Variants in DMTF1 observed in about 807,000 individuals in gnomAD.
The protein encoded by DMTF1 is cyclin D binding myb like transcription factor 1, also known as cyclin-D-binding Myb-like transcription factor 1.
Under a neutral mutation model 91.1 loss-of-function variants are expected in DMTF1, and 39 were observed. The ratio of observed to expected loss-of-function variants is 0.43; its 90% CI spans 0.33 to 0.56. The LOEUF (loss-of-function observed/expected upper bound fraction) is 0.56. Ranked by LOEUF, DMTF1 falls within the 20% of genes least tolerant of loss-of-function variation. The pLI is 0.05. For synonymous variants in DMTF1, 338 were observed against 309.5 expected, an observed-to-expected ratio of 1.09 and a Z score of -0.97; for missense variants, 750 against 914.5, an observed-to-expected ratio of 0.82 and a Z score of 2.32.
rs1470276766 is a variant in DMTF1, at chr7:87,190,798, T to G, written c.1412-147T>G. Reference sequence around the variant, plus strand: ...AATTCATTAGATTCCTTATCTCTCTTAAGAAATGTAAATGACTTCAGGTCT... The same window carrying G: ...AATTCATTAGATTCCTTATCTCTCTGAAGAAATGTAAATGACTTCAGGTCT... On this transcript the variant is annotated intron_variant, in intron 13 of 17. Transcript: ENST00000331242. The G allele has an allele frequency of 1.0e-5, 6 of 597,782 alleles. No homozygotes were observed. The East Asian group carries it at 1.9e-4, about 19-fold the overall frequency. 37.0% of individuals were successfully genotyped at this position (597,782 alleles called of 1,614,324 possible).
In DMTF1 at chr7:87,185,946, G is replaced by A. The variant is rs373869484; in HGVS notation, c.1167G>A (p.Arg389=). Residue 389 remains arginine (R), a synonymous_variant, in exon 12 of 18, where the codon AGG becomes AGA. Coordinates refer to ENST00000331242, the MANE Select transcript of DMTF1 (RefSeq NM_001142327.2). The stretch of plus-strand genomic sequence containing the variant: ...GAAGTAAATGGTGGACCATCAAAAG[G>A]CAAATTGCAAACCATAAGGATGTTT... ...WLRSKWWTIK[R]QIANHKDVSF... 3 of 1,613,706 alleles carry A rather than the reference G, an allele frequency of 1.9e-6. No homozygotes were observed. In the African/African-American group the frequency reaches 4.0e-5, roughly 22 times the overall value.
chr7:87,179,313 T>A (rs1409441035), intron 7 of DMTF1, among the ~76,000 whole-genome samples: 2 of 152,150 alleles, frequency 1.3e-5, no homozygotes, highest in Non-Finnish European at 2.9e-5. Context: ...AAAGAGTTGA[T>A]GGAAATTCAA....
intron 3 of DMTF1, 35 bp downstream of exon 3, chr7:87,165,085 C>T: frequency 1.3e-6 from 2 of 1,490,836 alleles, no homozygotes; most frequent in Non-Finnish European, 1.9e-6. Flanking sequence ...TTCTGACTCT[C>T]TGAATTTATG....
At position 87,196,046 on chromosome 7, in the gene DMTF1, CAAAAG is replaced by C. The variant is rs1263247525; in HGVS notation, c.*907_*911del. On this transcript the variant is annotated 3_prime_UTR_variant, in exon 18 of 18. Coordinates refer to ENST00000331242, the MANE Select transcript of DMTF1 (RefSeq NM_001142327.2). ...AAAAAAACAATATTTGCTTCTATAA[CAAAAG>C]GAAACAAATCTAAGAATCATTCCTG... The C allele has an allele frequency of 6.6e-6, 1 of 152,060 alleles. No homozygotes were observed. Among genetic ancestry groups the C allele is most frequent in the African/African-American group, 2.4e-5 (1 of 41,278 alleles). 9.4% of individuals were successfully genotyped at this position (152,060 alleles called of 1,614,324 possible).
chr7:87,193,161 T>G (rs796896430), intron 14 of DMTF1, 37 bp from the exon 15 acceptor site: 1 of 1,609,016 alleles, frequency 6.2e-7, no homozygotes, highest in Non-Finnish European at 8.5e-7. Context: ...AAAAGTAGAC[T>G]TAATCATTGT....
chr7:87,194,736 A>C lies in DMTF1; in HGVS notation c.2081A>C (p.Glu694Ala). 3 of 1,611,020 alleles carry C rather than the reference A, an allele frequency of 1.9e-6. No individual in the cohort carries two copies. ...CAAGTTGATCAAACAATTGATGATG[A>C]AACAATACTTATCGTTCCTTCACCA... ...EEQVDQTIDD[E>A]TILIVPSPHG... Residue 694 changes from glutamate (E) to alanine (A), a missense_variant, in exon 17 of 18, where the codon GAA becomes GCA. Around this residue, in one of 3 missense-constraint regions of DMTF1, gnomAD observed 410 missense variants for 420.2 expected, o/e 0.98. Transcript: ENST00000331242.
chr7:87,162,515 A>T (rs1792722380), intron 1 of DMTF1, among the ~76,000 whole-genome samples: 1 of 152,238 alleles, frequency 6.6e-6, no homozygotes, highest in Non-Finnish European at 1.5e-5. Context: ...ATTAGAAGGA[A>T]CTACAAAGAG....
intron 16 of DMTF1, 109 bp from the exon 17 acceptor site, chr7:87,194,575 G>C: frequency 1.4e-6 from 1 of 729,556 alleles, no homozygotes; most frequent in Non-Finnish European, 2.1e-6. Context: ...TTTATATTCT[G>C]ATTTTTAAAT....
Position 87,193,830 on chromosome 7 carries a change from C to G in DMTF1, c.1756C>G (p.Gln586Glu). The change falls in exon 16 of 18, where the codon CAA (glutamine) becomes GAA (glutamate). Residue 586 changes from glutamine (Q) to glutamate (E), a missense_variant. Around this residue, in one of 3 missense-constraint regions of DMTF1, gnomAD observed 410 missense variants for 420.2 expected, o/e 0.98. Coordinates refer to ENST00000331242, the MANE Select transcript of DMTF1 (RefSeq NM_001142327.2). ...AGAGGACATCACTTCTTCCATATCCCAAGCAGAACTGACAGTCGATAGTGA... is the reference window on the plus strand; with the variant it reads ...AGAGGACATCACTTCTTCCATATCCGAAGCAGAACTGACAGTCGATAGTGA... ...ATEDITSSISQAELTVDSDIQ... is the reference protein window; with the variant it reads ...ATEDITSSISEAELTVDSDIQ... 1 of 1,613,268 alleles carries G rather than the reference C, an allele frequency of 6.2e-7. No homozygotes were observed. The highest frequency in any genetic ancestry group is 8.5e-7 in the Non-Finnish European group (1 of 1,179,598).
Position 87,193,192 on chromosome 7 carries a change from C to T in DMTF1, c.1495-6C>T, listed in dbSNP as rs1467872925. ...ATTGTTAAACTATCTTTCCTTTTTC[C>T]TTTAGTCTTTCCATCTACAGCCCAC... On this transcript the variant is annotated splice_polypyrimidine_tract_variant and splice_region_variant and intron_variant, in intron 14 of 17. Coordinates refer to ENST00000331242, the MANE Select transcript of DMTF1 (RefSeq NM_001142327.2). The T allele has an allele frequency of 4.3e-6, 7 of 1,610,042 alleles. No homozygotes were observed. The Admixed American group carries it at 1.0e-4, about 23-fold the overall frequency.
chr7:87,152,630 T>G (rs2129030941), intron 1 of DMTF1, 75 bp downstream of exon 1: 1 of 152,878 alleles, frequency 6.5e-6, no homozygotes. Flanking sequence ...CCGGCCCCCT[T>G]GCTGCCCGCT....
intron 8 of DMTF1, 28 bp downstream of exon 8, chr7:87,179,730 T>G (rs756604845): frequency 6.5e-7 from 1 of 1,541,896 alleles, no homozygotes; most frequent in South Asian, 1.3e-5. Context: ...GCTGCATGTT[T>G]TCATGTAATT....
intron 7 of DMTF1, among the ~76,000 whole-genome samples, chr7:87,175,836 A>G (rs770481199): frequency 5.3e-5 from 8 of 152,214 alleles, no homozygotes; most frequent in Non-Finnish European, 1.2e-4. Flanking sequence ...TCCGAAGTCC[A>G]TGCCAAAGAA....
chr7:87,174,020 A>G (rs1363492641), intron 6 of DMTF1, among the ~76,000 whole-genome samples: 1 of 152,148 alleles, frequency 6.6e-6, no homozygotes, highest in East Asian at 1.9e-4. Flanking sequence ...AAGGTAACAT[A>G]GTGTTTACAG....
intron 2 of DMTF1, 47 bp from the exon 3 acceptor site, chr7:87,164,887 T>C: frequency 2.6e-6 from 3 of 1,143,838 alleles, no homozygotes; most frequent in Non-Finnish European, 3.8e-6. Flanking sequence ...TACTTCATAT[T>C]TGGGAATAAT....
Position 87,193,785 on chromosome 7 carries a change from ATCAT to A in DMTF1, c.1715_1718del (p.Ile572ArgfsTer17), listed in dbSNP as rs1562861771. 1.9e-6 allele frequency: 3 copies of A among 1,612,938 alleles called. No individual in the cohort carries two copies. Among genetic ancestry groups the A allele is most frequent in the Non-Finnish European group, 2.5e-6 (3 of 1,179,250 alleles). On this transcript the variant is annotated frameshift_variant, in exon 16 of 18. Coordinates refer to ENST00000331242, the MANE Select transcript of DMTF1 (RefSeq NM_001142327.2). LOFTEE classifies it high-confidence loss of function. ...AGTGCAGTGTCACACACCAAGAGTC[ATCAT>A]TCAGACTGTTGCCACAGAGGACATC...
intron 2 of DMTF1, chr7:87,164,439 A>G (rs1793322216): frequency 6.6e-6 from 1 of 152,246 alleles, no homozygotes; most frequent in Admixed American, 6.5e-5. Context: ...CTTTTTCAAT[A>G]TTTTGAAAAC....
chr7:87,189,445 G>A (rs569341323), intron 13 of DMTF1, among the ~76,000 whole-genome samples: 41 of 152,234 alleles, frequency 2.7e-4, no homozygotes, highest in Admixed American at 6.5e-4. Context: ...TATGAGAGTT[G>A]CTATTGGTTA....
intron 1 of DMTF1, among the ~76,000 whole-genome samples, chr7:87,158,958 T>A (rs1265582053): frequency 1.3e-5 from 2 of 152,078 alleles, no homozygotes; most frequent in Admixed American, 1.3e-4. Flanking sequence ...TGCCTAACTT[T>A]AAAAAACTAT....
Sources: allele counts gnomAD v4.1 joint callset (sites outside exome capture counted in the v4.1 genomes callset), GRCh38; gene constraint gnomAD v4.1.1; regional missense constraint gnomAD v4.1.1; transcripts MANE v1.5; gene names NCBI Gene and HGNC (gene_info 2026-07-23, HGNC 2026-07-21).